Variants in AVEN observed in about 807,000 individuals in gnomAD.
AVEN encodes the protein apoptosis and caspase activation inhibitor.
A neutral mutation model predicts 38.1 loss-of-function variants in AVEN; 41 were observed. The observed-to-expected ratio is 1.08, with a 90% CI of 0.84 to 1.40. The LOEUF (loss-of-function observed/expected upper bound fraction) is 1.40. AVEN is among the 40% of genes most tolerant of loss of function. The pLI, the probability that AVEN is intolerant of heterozygous loss-of-function variation, is 0.00. For synonymous variants in AVEN, 206 were observed against 171.8 expected (o/e 1.20, Z -1.56); for missense variants, 605 against 438.8 (o/e 1.38, Z -3.38).
chr15:34,022,676 T>A (rs1898255567), intron 1 of AVEN, among the ~76,000 whole-genome samples: 1 of 152,242 alleles, frequency 6.6e-6, no homozygotes, highest in African/African-American at 2.4e-5. Flanking sequence ...TGCATAAGTA[T>A]GAGATTATCT....
At chr15:34,024,191 T>C (rs1192104437) in intron 1 of AVEN, among the ~76,000 whole-genome samples, 2 of 152,160 alleles carry the variant, frequency 1.3e-5, no homozygotes, top group South Asian at 2.1e-4. Context: ...ACCAATTCCA[T>C]GCACCCATGA....
chr15:34,053,488 C>T (rs1024943160), intron 5 of AVEN, among the ~76,000 whole-genome samples: 14 of 151,428 alleles, frequency 9.2e-5, no homozygotes, highest in Admixed American at 9.2e-4. Flanking sequence ...GACACGTAGG[C>T]CAATGGAACA....
At chr15:33,854,558 A>T, downstream of AVEN, 1 of 1,083,236 alleles carries the variant, frequency 9.2e-7, no homozygotes, top group Non-Finnish European at 1.3e-6. Context: ...CTTATCAAAG[A>T]CCAAGAGCCT....
At chr15:33,879,496 T>C (rs180786485) in intron 2 of AVEN, among the ~76,000 whole-genome samples, 13 of 151,970 alleles carry the variant, frequency 8.6e-5, no homozygotes. Flanking sequence ...GGCACATGTA[T>C]ACATATGTAA....
intron 2 of AVEN, among the ~76,000 whole-genome samples, chr15:33,880,588 T>C (rs920589991): frequency 2.6e-5 from 4 of 152,296 alleles, no homozygotes; most frequent in African/African-American, 9.6e-5. Context: ...GCTCAATCTC[T>C]GATTCTGCCT....
At chr15:33,883,042 A>G (rs542281884) in intron 2 of AVEN, among the ~76,000 whole-genome samples, 1 of 152,324 alleles carries the variant, frequency 6.6e-6, no homozygotes, top group African/African-American at 2.4e-5. Flanking sequence ...TGACCATAAA[A>G]CAAATCTCCA....
chr15:34,039,128 G>A lies in AVEN; in HGVS notation c.-82C>T, dbSNP rs1899337135. On this transcript the variant is annotated 5_prime_UTR_variant, in exon 1 of 6. Transcript: ENST00000306730. ...TGGCCCCACCGGAAGCGGGCCGCAC[G>A]GAGGAGCCGCGAGCGAAAGGCGCCC... 5.8e-6 allele frequency: 6 copies of A among 1,037,710 alleles called. No individual in the cohort carries two copies. The Admixed American group carries it at 2.2e-4, about 39-fold the overall frequency. The allele number at this position is 1,037,710 out of a possible 1,614,324, so 64.3% of individuals were successfully genotyped here. A position where few individuals can be genotyped will look rare whatever the true frequency, so the allele number is the denominator to read the frequency against.
At chr15:33,895,800 T>C (rs1349542068) in intron 2 of AVEN, among the ~76,000 whole-genome samples, 3 of 152,206 alleles carry the variant, frequency 2.0e-5, no homozygotes, top group African/African-American at 2.4e-5. Flanking sequence ...GCCAGACTCT[T>C]AGTTAAACCT....
upstream of AVEN, among the ~76,000 whole-genome samples, chr15:34,040,116 A>G (rs1368824528): frequency 6.6e-6 from 1 of 152,156 alleles, no homozygotes; most frequent in African/African-American, 2.4e-5. Flanking sequence ...CATTGCTTCT[A>G]ATTGCCTACT....
At chr15:34,013,100 C>T (rs1249373852) in intron 1 of AVEN, among the ~76,000 whole-genome samples, 3 of 151,850 alleles carry the variant, frequency 2.0e-5, no homozygotes, top group Admixed American at 1.3e-4. Flanking sequence ...CTCACTCTGT[C>T]GCCCCGGCTG....
chr15:33,935,840 T>C (rs949267253), intron 2 of AVEN, among the ~76,000 whole-genome samples: 5 of 152,208 alleles, frequency 3.3e-5, no homozygotes, highest in Non-Finnish European at 5.9e-5. Flanking sequence ...AAATTTTCTA[T>C]ACTGGATTAT....
At chr15:33,999,151 A>G (rs1897047787) in intron 2 of AVEN, among the ~76,000 whole-genome samples, 1 of 152,154 alleles carries the variant, frequency 6.6e-6, no homozygotes, top group Admixed American at 6.5e-5. Flanking sequence ...AGTAGGTTAG[A>G]CTTATGGAAG....
At chr15:33,889,217 C>A (rs1332979908) in intron 2 of AVEN, among the ~76,000 whole-genome samples, 3 of 152,104 alleles carry the variant, frequency 2.0e-5, no homozygotes, top group Non-Finnish European at 4.4e-5. Context: ...TCTTTTTTGA[C>A]TGCTGTACTA....
At chr15:34,021,340 C>CAATG in intron 1 of AVEN, among the ~76,000 whole-genome samples, 1 of 151,582 alleles carries the variant, frequency 6.6e-6, no homozygotes, top group Non-Finnish European at 1.5e-5. Flanking sequence ...GACTGGAGTA[C>CAATG]AATGGCGCCA....
chr15:33,906,968 C>T (rs1235522753), intron 2 of AVEN, among the ~76,000 whole-genome samples: 1 of 151,992 alleles, frequency 6.6e-6, no homozygotes, highest in East Asian at 1.9e-4. Flanking sequence ...AGGGGGTGTA[C>T]ACAAATTGGT....
At chr15:33,914,856 G>C (rs897493096) in intron 2 of AVEN, among the ~76,000 whole-genome samples, 18 of 151,926 alleles carry the variant, frequency 1.2e-4, no homozygotes, top group Non-Finnish European at 2.5e-4. Flanking sequence ...GTATTCCTTA[G>C]CTCTCACCAT....
At chr15:33,911,788 A>T (rs1359108229) in intron 2 of AVEN, among the ~76,000 whole-genome samples, 1 of 152,268 alleles carries the variant, frequency 6.6e-6, no homozygotes, top group Non-Finnish European at 1.5e-5. Context: ...TAAACTACAC[A>T]GAAAATTGAA....
intron 5 of AVEN, among the ~76,000 whole-genome samples, chr15:34,047,903 C>T (rs1305801546): frequency 6.6e-6 from 1 of 152,170 alleles, no homozygotes. Flanking sequence ...GAGGGGCTCT[C>T]CACACCAGAT....
downstream of AVEN, among the ~76,000 whole-genome samples, chr15:33,863,701 T>A (rs987545105): frequency 6.6e-6 from 1 of 152,178 alleles, no homozygotes; most frequent in Non-Finnish European, 1.5e-5. Context: ...ATTAAATACT[T>A]TCTAACTTTT....
Sources: gnomAD v4.1 joint callset for allele counts (sites outside exome capture counted in the v4.1 genomes callset) on GRCh38, gnomAD v4.1.1 for gene constraint, MANE v1.5 for transcripts, NCBI Gene and HGNC (gene_info 2026-07-23, HGNC 2026-07-21) for gene names.